Variants in NDEL1 observed in about 807,000 individuals in gnomAD.
NDEL1 encodes nuclear distribution protein nudE-like 1.
In NDEL1, 9 loss-of-function variants were observed where a neutral mutation model predicts 45.7. That is an observed-to-expected ratio of 0.20 (90% CI 0.12 to 0.34). The LOEUF is 0.34. Ranked by LOEUF, NDEL1 falls within the 10% of genes least tolerant of loss-of-function variation. The pLI is 1.00. For missense variants in NDEL1, 306 were observed against 406.2 expected (o/e 0.75, Z 2.12); for synonymous variants, 133 against 158.6 (o/e 0.84, Z 1.21).
At chr17:8,430,928 A>G (rs751149926), upstream of NDEL1, among the ~76,000 whole-genome samples, 1 of 152,216 alleles carries the variant, frequency 6.6e-6, no homozygotes, top group South Asian at 2.1e-4. Flanking sequence ...CTCAACCACA[A>G]GGGGGAAGGA....
chr17:8,470,304 T>C (rs1432237016), downstream of NDEL1, among the ~76,000 whole-genome samples: 1 of 152,122 alleles, frequency 6.6e-6, no homozygotes, highest in Non-Finnish European at 1.5e-5. The surrounding 1 kb of genome is among the most constrained non-coding windows in gnomAD (Gnocchi z 4.2). Flanking sequence ...TGAGCCTTCC[T>C]TGAGCCGCAT....
downstream of NDEL1, among the ~76,000 whole-genome samples, chr17:8,472,767 T>G (rs1911884370): frequency 6.6e-6 from 1 of 152,174 alleles, no homozygotes; most frequent in South Asian, 2.1e-4. Flanking sequence ...AACTGGCATC[T>G]ATGATGTGGC....
intron 1 of NDEL1, among the ~76,000 whole-genome samples, chr17:8,422,349 C>G (rs530867623): frequency 3.3e-5 from 5 of 152,120 alleles, no homozygotes; most frequent in Admixed American, 6.6e-5. Flanking sequence ...CGCTCTATTG[C>G]CCAGGCTGGA....
At chr17:8,469,269 A>G (rs1911773532), downstream of NDEL1, among the ~76,000 whole-genome samples, 1 of 152,128 alleles carries the variant, frequency 6.6e-6, no homozygotes, top group Non-Finnish European at 1.5e-5. Context: ...GGATTAGATG[A>G]GAGGTTTCAG....
chr17:8,459,993 T>C lies in NDEL1; in HGVS notation c.793-16T>C. ...ACTGTTTTGACAACCATATCATTCC[T>C]CCTTCTTTTTTGTAGGCTTTAGAAT... On this transcript the variant is annotated splice_polypyrimidine_tract_variant and intron_variant, in intron 7 of 8. Coordinates refer to ENST00000334527, the MANE Select transcript of NDEL1 (RefSeq NM_030808.5). 6.2e-7 allele frequency: 1 copy of C among 1,603,880 alleles called. No homozygotes were observed. Among genetic ancestry groups the C allele is most frequent in the Non-Finnish European group, 8.5e-7 (1 of 1,175,832 alleles).
At chr17:8,454,575 G>A (rs1036855817) in intron 6 of NDEL1, among the ~76,000 whole-genome samples, 4 of 152,176 alleles carry the variant, frequency 2.6e-5, no homozygotes, top group Admixed American at 6.5e-5. Flanking sequence ...AAGAGTATAT[G>A]TCCTTGTAGC....
At chr17:8,459,013 T>G (rs1911030780) in intron 7 of NDEL1, among the ~76,000 whole-genome samples, 1 of 152,182 alleles carries the variant, frequency 6.6e-6, no homozygotes, top group Non-Finnish European at 1.5e-5. Flanking sequence ...ATTACAGGAA[T>G]GAGCCACTGC....
rs542794430 is a variant in NDEL1 at position 8,436,338 on chromosome 17, G to C, written c.-13+293G>C. The C allele has an allele frequency of 5.7e-5, 9 of 157,244 alleles. No homozygotes were observed. The South Asian group carries it at 1.5e-3, about 25-fold the overall frequency. 9.7% of individuals were successfully genotyped at this position (157,244 alleles called of 1,614,324 possible). On this transcript the variant is annotated intron_variant, in intron 1 of 8. Coordinates refer to ENST00000334527, the MANE Select transcript of NDEL1 (RefSeq NM_030808.5). ...TAGGGTGAGGGCTGGCGGTGACGGA[G>C]GCCGGGACGTGGCACCGTGGGCTGG...
At chr17:8,428,829 A>G (rs1049441698) in intron 1 of NDEL1, among the ~76,000 whole-genome samples, 40 of 151,032 alleles carry the variant, frequency 2.6e-4, no homozygotes, top group African/African-American at 9.0e-4. Flanking sequence ...TCCTGCCACC[A>G]CGCCCGGCTA....
In NDEL1 at chr17:8,445,746, A is replaced by G. The variant is rs956208387; in HGVS notation, c.122A>G (p.Gln41Arg). Residue 41 changes from glutamine to arginine, a missense_variant, in exon 3 of 9, where the codon CAG becomes CGG. By Grantham distance (43) the Gln-to-Arg change is conservative. Around this residue, in one of 3 missense-constraint regions of NDEL1, gnomAD observed 112 missense variants for 148.3 expected, o/e 0.76. Transcript: ENST00000334527. ...QEARDELVEF[Q>R]EGSRELEAEL... The stretch of plus-strand genomic sequence containing the variant: ...GCTCGGGATGAGCTAGTTGAATTCC[A>G]GGAAGGAAGCAGAGAATTAGAAGCA... 5 of 1,599,518 alleles carry G rather than the reference A, an allele frequency of 3.1e-6. No homozygotes were observed. The Middle Eastern group carries it at 5.0e-4, about 158-fold the overall frequency.
intron 1 of NDEL1, among the ~76,000 whole-genome samples, chr17:8,438,570 C>T (rs1236112926): frequency 6.7e-6 from 1 of 150,324 alleles, no homozygotes; most frequent in Non-Finnish European, 1.5e-5. Context: ...GGCTGGAGTG[C>T]AGTGGAGTGA....
intron 7 of NDEL1, among the ~76,000 whole-genome samples, chr17:8,457,667 C>T (rs1373331984): frequency 6.6e-6 from 1 of 152,110 alleles, no homozygotes; most frequent in African/African-American, 2.4e-5. Flanking sequence ...TTTCTTTTCT[C>T]ATCTTTTGTT....
rs148881059 is a variant in NDEL1, at chr17:8,460,156, A to C, written c.940A>C (p.Lys314Gln). Residue 314 changes from lysine (K) to glutamine (Q), a missense_variant, in exon 8 of 9, where the codon AAA becomes CAA. Around this residue, in one of 3 missense-constraint regions of NDEL1, gnomAD observed 175 missense variants for 205.2 expected, o/e 0.85. Transcript: ENST00000334527. ...ATCAGGGCATACATCTTTCTTCGACAAAGGGTAAGTCCTGAATGTTTTAAG... is the reference window on the plus strand; with the variant it reads ...ATCAGGGCATACATCTTTCTTCGACCAAGGGTAAGTCCTGAATGTTTTAAG... ...SRSGHTSFFD[K>Q]GAVNGFDPAP... The C allele has an allele frequency of 1.6e-5, 26 of 1,612,524 alleles. No homozygotes were observed. Among genetic ancestry groups the C allele is most frequent in the Non-Finnish European group, 1.4e-5 (17 of 1,179,454 alleles).
At chr17:8,421,667 T>G (rs1262165512) in intron 1 of NDEL1, among the ~76,000 whole-genome samples, 1 of 152,190 alleles carries the variant, frequency 6.6e-6, no homozygotes, top group Non-Finnish European at 1.5e-5. Context: ...AGGCTTGTGG[T>G]AATTATAGCA....
chr17:8,437,688 A>G (rs1164629831), intron 1 of NDEL1, among the ~76,000 whole-genome samples: 1 of 152,080 alleles, frequency 6.6e-6, no homozygotes, highest in Non-Finnish European at 1.5e-5. Flanking sequence ...TTCTGAAAGA[A>G]CTCTTCTAAC....
At chr17:8,458,495 A>G (rs113169795) in intron 7 of NDEL1, among the ~76,000 whole-genome samples, 145 of 152,078 alleles carry the variant, frequency 9.5e-4, no homozygotes, top group African/African-American at 3.1e-3. Flanking sequence ...CTCAATATGG[A>G]TTTGAATGAA....
chr17:8,437,667 C>T (rs2151706074), intron 1 of NDEL1, among the ~76,000 whole-genome samples: 1 of 152,228 alleles, frequency 6.6e-6, no homozygotes, highest in East Asian at 1.9e-4. Flanking sequence ...GCATATATTG[C>T]CAACAGTGAG....
intron 1 of NDEL1, among the ~76,000 whole-genome samples, chr17:8,414,406 G>A (rs1186671372): frequency 6.6e-6 from 1 of 152,088 alleles, no homozygotes; most frequent in Admixed American, 6.6e-5. Context: ...GGTGGCTCAC[G>A]CCTGTAATCC....
At chr17:8,462,580 C>G (rs993470060) in intron 8 of NDEL1, among the ~76,000 whole-genome samples, 10 of 152,196 alleles carry the variant, frequency 6.6e-5, no homozygotes, top group African/African-American at 2.4e-4. Context: ...CCATTATACA[C>G]TCTGGCAGGT....
Sources: allele counts gnomAD v4.1 joint callset (sites outside exome capture counted in the v4.1 genomes callset), GRCh38; gene constraint gnomAD v4.1.1; regional missense constraint gnomAD v4.1.1; non-coding constraint Gnocchi (gnomAD v3.1); transcripts MANE v1.5; gene names NCBI Gene and HGNC (gene_info 2026-07-23, HGNC 2026-07-21).